Variants in LIMCH1 observed in about 807,000 individuals in gnomAD.
LIMCH1 encodes the protein LIM and calponin homology domains 1, also known as LIM and calponin homology domains-containing protein 1.
A neutral mutation model predicts 176.5 loss-of-function variants in LIMCH1; 113 were observed. The observed-to-expected ratio is 0.64, with a 90% CI of 0.55 to 0.75. LIMCH1 has a LOEUF of 0.75. Ranked by LOEUF, LIMCH1 falls within the 30% of genes least tolerant of loss-of-function variation. The pLI, the probability that LIMCH1 is intolerant of heterozygous loss-of-function variation, is 0.00. For missense variants in LIMCH1, 1,674 were observed against 1,814.9 expected, an observed-to-expected ratio of 0.92 and a Z score of 1.41; for synonymous variants, 619 against 645.9, an observed-to-expected ratio of 0.96 and a Z score of 0.63.
At chr4:41,407,202 G>A (rs2059051416) in intron 1 of LIMCH1, among the ~76,000 whole-genome samples, 1 of 152,072 alleles carries the variant, frequency 6.6e-6, no homozygotes, top group African/African-American at 2.4e-5. Flanking sequence ...TCCTTTGAAA[G>A]TCTGTAAGTC....
chr4:41,606,770 T>G (rs909338805), intron 4 of LIMCH1, among the ~76,000 whole-genome samples: 1 of 152,128 alleles, frequency 6.6e-6, no homozygotes, highest in Non-Finnish European at 1.5e-5. Flanking sequence ...AGGTAAGGCT[T>G]ATTTATAATG....
chr4:41,639,850 C>T (rs2093747149), intron 14 of LIMCH1, among the ~76,000 whole-genome samples: 1 of 152,136 alleles, frequency 6.6e-6, no homozygotes, highest in Non-Finnish European at 1.5e-5. Flanking sequence ...CTCGTGGGAG[C>T]CTGGGCCATC....
At chr4:41,626,396 T>C (rs2092953934) in intron 7 of LIMCH1, among the ~76,000 whole-genome samples, 1 of 152,134 alleles carries the variant, frequency 6.6e-6, no homozygotes, top group African/African-American at 2.4e-5. Flanking sequence ...AAGCTTCCCA[T>C]TTTTCCCCAA....
At chr4:41,664,073 C>G (rs952012323) in intron 20 of LIMCH1, among the ~76,000 whole-genome samples, 1 of 151,862 alleles carries the variant, frequency 6.6e-6, no homozygotes, top group Non-Finnish European at 1.5e-5. Context: ...CAAGCCCATT[C>G]CAGACCAAAT....
chr4:41,618,319 T>C (rs1427078347), intron 5 of LIMCH1, among the ~76,000 whole-genome samples: 1 of 152,176 alleles, frequency 6.6e-6, no homozygotes. Context: ...AAGAATACTA[T>C]ATAATTATTG....
chr4:41,429,775 T>C (rs750672030), intron 1 of LIMCH1, among the ~76,000 whole-genome samples: 4 of 152,214 alleles, frequency 2.6e-5, no homozygotes, highest in Non-Finnish European at 5.9e-5. Context: ...ATTTTCTTTA[T>C]TGGCTATGCT....
At chr4:41,410,998 A>G (rs901021834) in intron 1 of LIMCH1, among the ~76,000 whole-genome samples, 2 of 152,070 alleles carry the variant, frequency 1.3e-5, no homozygotes, top group African/African-American at 2.4e-5. Flanking sequence ...ATTCTTCACC[A>G]CCATCAGGTT....
chr4:41,676,718 T>C (rs2095230839), intron 23 of LIMCH1, among the ~76,000 whole-genome samples: 1 of 152,136 alleles, frequency 6.6e-6, no homozygotes, highest in South Asian at 2.1e-4. Context: ...CAAGTATGGA[T>C]AAGGGCCAGT....
At chr4:41,638,989 G>A (rs2093707986) in intron 14 of LIMCH1, 22 bp downstream of exon 14, 5 of 1,554,752 alleles carry the variant, frequency 3.2e-6, no homozygotes, top group Middle Eastern at 1.7e-4. Context: ...TGTATTTGTA[G>A]GATTACATTA....
intron 1 of LIMCH1, among the ~76,000 whole-genome samples, chr4:41,574,110 A>C (rs1387976164): frequency 1.3e-5 from 2 of 152,112 alleles, no homozygotes; most frequent in Non-Finnish European, 1.5e-5. Context: ...TATTCCAGGC[A>C]GAGCTTAAGT....
intron 14 of LIMCH1, among the ~76,000 whole-genome samples, chr4:41,642,131 T>C (rs1457146811): frequency 1.3e-5 from 2 of 152,164 alleles, no homozygotes; most frequent in Non-Finnish European, 2.9e-5. Context: ...TTCTGACCTG[T>C]AGATATTATA....
At chr4:41,360,051 G>C (rs1004702690), upstream of LIMCH1, among the ~76,000 whole-genome samples, 2 of 151,500 alleles carry the variant, frequency 1.3e-5, no homozygotes, top group African/African-American at 4.9e-5. This position sits in a 1 kb window ranked among gnomAD's most constrained non-coding sequence, Gnocchi z 4.5. Context: ...GTGTGTGTGT[G>C]TGTGTGTTTC....
At chr4:41,634,270 C>A (rs2093468885) in intron 13 of LIMCH1, among the ~76,000 whole-genome samples, 1 of 152,196 alleles carries the variant, frequency 6.6e-6, no homozygotes, top group Non-Finnish European at 1.5e-5. Flanking sequence ...TCAACCATGA[C>A]TTGATGACGA....
intron 1 of LIMCH1, among the ~76,000 whole-genome samples, chr4:41,493,085 A>G (rs2071391410): frequency 1.3e-5 from 2 of 152,072 alleles, no homozygotes; most frequent in Admixed American, 1.3e-4. Flanking sequence ...TTATATTTAA[A>G]GTGCATTTCT....
At chr4:41,483,577 C>T (rs13152536) in intron 1 of LIMCH1, among the ~76,000 whole-genome samples, 59,145 of 151,952 alleles carry the variant, frequency 0.39, 14,236 homozygotes, top group African/African-American at 0.68. Flanking sequence ...AGTGCTGGCA[C>T]ACAAGGCCCT....
intron 23 of LIMCH1, among the ~76,000 whole-genome samples, chr4:41,678,009 A>G (rs1364228958): frequency 6.6e-6 from 1 of 152,020 alleles, no homozygotes; most frequent in East Asian, 1.9e-4. Context: ...ATAGGTATAC[A>G]CGTGTCATGG....
At chr4:41,605,457 T>C (rs923013368) in intron 3 of LIMCH1, among the ~76,000 whole-genome samples, 1 of 152,256 alleles carries the variant, frequency 6.6e-6, no homozygotes, top group Non-Finnish European at 1.5e-5. Context: ...TAGCGGAACC[T>C]CTGTGCCCAC....
intron 6 of LIMCH1, chr4:41,620,139 A>C: frequency 2.7e-6 from 1 of 370,540 alleles, no homozygotes. Flanking sequence ...AGATGTTATT[A>C]CAATTTTTAA....
intron 18 of LIMCH1, 69 bp from the exon 19 acceptor site, chr4:41,661,351 C>T: frequency 8.6e-7 from 1 of 1,159,900 alleles, no homozygotes; most frequent in Non-Finnish European, 1.3e-6. Flanking sequence ...AAAATTACTG[C>T]TTAAAAAATA....
Sources: gnomAD v4.1 joint callset for allele counts (sites outside exome capture counted in the v4.1 genomes callset) on GRCh38, gnomAD v4.1.1 for gene constraint, Gnocchi (gnomAD v3.1) non-coding constraint, MANE v1.5 for transcripts, NCBI Gene and HGNC (gene_info 2026-07-23, HGNC 2026-07-21) for gene names.